Variants in SYT14 observed in about 807,000 individuals in gnomAD.
SYT14 encodes synaptotagmin 14.
A neutral mutation model predicts 74.2 loss-of-function variants in SYT14; 32 were observed. That is an observed-to-expected ratio of 0.43 (90% CI 0.33 to 0.58). The LOEUF (loss-of-function observed/expected upper bound fraction) is 0.58. Among genes scored for constraint, SYT14 ranks in the 20% least tolerant of loss-of-function variants. The probability of loss-of-function intolerance (pLI) is 0.05; values close to 1 mark genes in which losing one functional copy is unlikely to be tolerated. For synonymous variants in SYT14, 298 were observed against 337.7 expected, an observed-to-expected ratio of 0.88 and a Z score of 1.29; for missense variants, 791 against 981.8, an observed-to-expected ratio of 0.81 and a Z score of 2.60.
intron 1 of SYT14, among the ~76,000 whole-genome samples, chr1:209,952,060 G>A (rs536079875): frequency 6.6e-6 from 1 of 152,032 alleles, no homozygotes; most frequent in Non-Finnish European, 1.5e-5. Flanking sequence ...TTAGCAACTC[G>A]GGTGCTTACT....
At chr1:209,965,397 CTT>C (rs1169100883) in intron 2 of SYT14, among the ~76,000 whole-genome samples, 2 of 152,162 alleles carry the variant, frequency 1.3e-5, no homozygotes, top group Non-Finnish European at 2.9e-5. Context: ...GATTTCATCT[CTT>C]TTGTGGCTGC....
At chr1:209,969,514 G>A (rs1197124146) in intron 2 of SYT14, among the ~76,000 whole-genome samples, 5 of 139,094 alleles carry the variant, frequency 3.6e-5, no homozygotes, top group Admixed American at 7.8e-5. Context: ...TTGAGATGGA[G>A]TCTTGCTCTG....
intron 7 of SYT14, among the ~76,000 whole-genome samples, chr1:210,130,247 C>G: frequency 6.6e-6 from 1 of 152,070 alleles, no homozygotes; most frequent in East Asian, 1.9e-4. Context: ...TTCATATATA[C>G]TGTAAAATAT....
intron 3 of SYT14, among the ~76,000 whole-genome samples, chr1:210,014,460 A>G (rs967006987): frequency 1.4e-5 from 2 of 147,286 alleles, no homozygotes; most frequent in East Asian, 2.0e-4. Flanking sequence ...AAAATTTTCT[A>G]TTTCCAAAGA....
intron 2 of SYT14, among the ~76,000 whole-genome samples, chr1:209,992,901 T>C (rs1186152164): frequency 6.6e-6 from 1 of 152,072 alleles, no homozygotes; most frequent in Non-Finnish European, 1.5e-5. Flanking sequence ...CTGGGAACAC[T>C]GTGTAGGTTA....
intron 7 of SYT14, among the ~76,000 whole-genome samples, chr1:210,115,343 CAGAG>C (rs1418100024): frequency 4.0e-5 from 6 of 150,168 alleles, no homozygotes; most frequent in South Asian, 2.1e-4. Context: ...GGTAGAGACA[CAGAG>C]AGAAGGGTTG....
chr1:209,992,179 T>C (rs2079701893), intron 2 of SYT14, among the ~76,000 whole-genome samples: 1 of 152,132 alleles, frequency 6.6e-6, no homozygotes, highest in Non-Finnish European at 1.5e-5. Context: ...AGGGTCTTGC[T>C]CTGTCACCCA....
At chr1:210,030,405 C>G (rs1355889245) in intron 5 of SYT14, among the ~76,000 whole-genome samples, 3 of 152,092 alleles carry the variant, frequency 2.0e-5, no homozygotes, top group Non-Finnish European at 4.4e-5. Flanking sequence ...CTGCCTGCCT[C>G]AGCTGCCCAA....
intron 2 of SYT14, among the ~76,000 whole-genome samples, chr1:209,994,363 A>C (rs1220666555): frequency 6.6e-6 from 1 of 152,228 alleles, no homozygotes; most frequent in Non-Finnish European, 1.5e-5. Context: ...AAGTATTAAC[A>C]GCAGAATAGA....
intron 5 of SYT14, among the ~76,000 whole-genome samples, chr1:210,036,898 TC>T (rs1330018145): frequency 6.6e-6 from 1 of 152,082 alleles, no homozygotes; most frequent in Non-Finnish European, 1.5e-5. Flanking sequence ...TTTTCTTTTT[TC>T]ATTATGTCTT....
chr1:210,159,711 A>G (rs1558230370), intron 9 of SYT14, among the ~76,000 whole-genome samples: 3 of 152,194 alleles, frequency 2.0e-5, no homozygotes, highest in South Asian at 2.1e-4. Context: ...TTATTTTTTC[A>G]TTCATTTGTA....
At chr1:210,085,783 T>G (rs2081715890) in intron 5 of SYT14, among the ~76,000 whole-genome samples, 1 of 152,172 alleles carries the variant, frequency 6.6e-6, no homozygotes, top group Non-Finnish European at 1.5e-5. Flanking sequence ...TGGGTTAGAT[T>G]TGCTAAAATT....
intron 7 of SYT14, among the ~76,000 whole-genome samples, chr1:210,121,907 CAT>C (rs1179975300): frequency 3.3e-5 from 5 of 151,710 alleles, no homozygotes; most frequent in Non-Finnish European, 5.9e-5. Flanking sequence ...CGTAGTAACT[CAT>C]ATTACATTGA....
intron 2 of SYT14, among the ~76,000 whole-genome samples, chr1:209,957,436 C>CT (rs201947879): frequency 6.1e-4 from 92 of 150,794 alleles, no homozygotes; most frequent in Admixed American, 2.6e-3. Context: ...TACTTTTTTT[C>CT]TTTTTTTTTG....
In SYT14 at chr1:210,095,842, TAA is replaced by T. The variant is rs986985259; in HGVS notation, c.1584+1250_1584+1251del. Among the ~76,000 whole-genome samples, 43 of 152,312 alleles carry T rather than the reference TAA, an allele frequency of 2.8e-4. No homozygotes were observed. In the East Asian group the frequency reaches 5.0e-3, roughly 18 times the overall value. ...AGAAGAAAATTGTATGCTGATATTT[TAA>T]GTTTAATATATCATTATTTTATGAT... is the stretch of plus-strand genomic sequence containing the variant. On this transcript the variant is annotated intron_variant, in intron 6 of 9. Transcript: ENST00000637265.
At chr1:210,154,879 G>A (rs2083237639) in intron 7 of SYT14, among the ~76,000 whole-genome samples, 1 of 152,106 alleles carries the variant, frequency 6.6e-6, no homozygotes, top group South Asian at 2.1e-4. Flanking sequence ...ATAATATTCT[G>A]CATATGACCA....
intron 2 of SYT14, among the ~76,000 whole-genome samples, chr1:209,974,427 T>A (rs2079318464): frequency 6.6e-6 from 1 of 152,220 alleles, no homozygotes. Context: ...GCTTTCTACA[T>A]ATGGCTAGCC....
intron 6 of SYT14, 22 bp from the exon 6 acceptor site, chr1:210,099,990 C>T: frequency 6.2e-7 from 1 of 1,605,938 alleles, no homozygotes; most frequent in Non-Finnish European, 8.5e-7. Flanking sequence ...AAAACTCTAA[C>T]ATTTAAATTT....
At chr1:210,040,383 G>C (rs189917315) in intron 5 of SYT14, among the ~76,000 whole-genome samples, 9 of 152,214 alleles carry the variant, frequency 5.9e-5, no homozygotes, top group Non-Finnish European at 1.2e-4. Context: ...TGAGGGGCTA[G>C]GGGAGGTCTA....
Sources: gnomAD v4.1 joint callset for allele counts (sites outside exome capture counted in the v4.1 genomes callset) on GRCh38, gnomAD v4.1.1 for gene constraint, MANE v1.5 for transcripts, NCBI Gene and HGNC (gene_info 2026-07-23, HGNC 2026-07-21) for gene names.